GALNS: variants seen among roughly 807,000 people sequenced by gnomAD.
GALNS encodes N-acetylgalactosamine-6-sulfatase.
GALNS carries 65 observed loss-of-function variants against 65.9 expected under a neutral mutation model. That is an observed-to-expected ratio of 0.99 (90% CI 0.81 to 1.21). The LOEUF (loss-of-function observed/expected upper bound fraction) is 1.21. GALNS is among the 50% of genes most tolerant of loss of function. The probability of loss-of-function intolerance (pLI) is 0.00; values close to 1 mark genes in which losing one functional copy is unlikely to be tolerated. For missense variants in GALNS, 776 were observed against 700.7 expected (o/e 1.11, Z -1.21); for synonymous variants, 346 against 288.9 (o/e 1.20, Z -2.00).
chr16:88,838,689 T>A (rs773782457), intron 4 of GALNS: 15 of 152,362 alleles, frequency 9.8e-5, no homozygotes, highest in Non-Finnish European at 1.9e-4. Flanking sequence ...CTGGAACGAA[T>A]CCAGCTTGCG....
At chr16:88,847,765 G>C (rs1375600425) in intron 1 of GALNS, among the ~76,000 whole-genome samples, 1 of 152,246 alleles carries the variant, frequency 6.6e-6, no homozygotes, top group African/African-American at 2.4e-5. Flanking sequence ...CACCATGTAA[G>C]AACGTGACAC....
Position 88,818,428 on chromosome 16 carries a change from C to T in GALNS, c.1365-304G>A, listed in dbSNP as rs76205941. Among the ~76,000 whole-genome samples the T allele has an allele frequency of 0.033, 4,965 of 152,296 alleles. 263 individuals carry two copies. Among genetic ancestry groups the T allele is most frequent in the African/African-American group, 0.11 (4,727 of 41,544 alleles). ...CCTGTCCCTGCCTGTGACCAGGACCCGGGATATGTGGGCTGGGGCCTGTGG... is the reference window on the plus strand; with the variant it reads ...CCTGTCCCTGCCTGTGACCAGGACCTGGGATATGTGGGCTGGGGCCTGTGG... On this transcript the variant is annotated intron_variant, in intron 12 of 13. Coordinates refer to ENST00000268695, the MANE Select transcript of GALNS (RefSeq NM_000512.5).
intron 1 of GALNS, among the ~76,000 whole-genome samples, chr16:88,854,295 G>A (rs1201525086): frequency 2.0e-5 from 3 of 152,216 alleles, no homozygotes; most frequent in Non-Finnish European, 4.4e-5. Context: ...AAGAGGTGTG[G>A]ACAGGGCTGC....
intron 13 of GALNS, chr16:88,817,379 C>T: frequency 1.0e-6 from 1 of 985,412 alleles, no homozygotes; most frequent in African/African-American, 1.7e-5. Context: ...AAGGCCTGGT[C>T]TTGTCAGGCT....
At chr16:88,853,794 GGCAGCCCTGGGGAGT>G (rs1967623623) in intron 1 of GALNS, among the ~76,000 whole-genome samples, 1 of 152,130 alleles carries the variant, frequency 6.6e-6, no homozygotes, top group Non-Finnish European at 1.5e-5. Context: ...GCCAGGGCAG[GGCAGCCCTGGGGAGT>G]GCAGGTAGAC....
chr16:88,841,795 C>A (rs1966984355), intron 3 of GALNS, 102 bp downstream of exon 3: 4 of 1,041,418 alleles, frequency 3.8e-6, no homozygotes, highest in Non-Finnish European at 4.4e-6. Context: ...GGTACCCCAC[C>A]TGCAGCTTGC....
At position 88,841,025 on chromosome 16, in the gene GALNS, T is replaced by G. The variant is rs779175959; in HGVS notation, c.389A>C (p.Lys130Thr). The G allele has an allele frequency of 6.2e-7, 1 of 1,613,252 alleles. No homozygotes were observed. Among genetic ancestry groups the G allele is most frequent in the South Asian group, 1.1e-5 (1 of 91,076 alleles). Reference protein sequence around the residue: ...SEQLLPELLKKAGYVSKIVGK... With the variant: ...SEQLLPELLKTAGYVSKIVGK... Reference sequence around the variant, plus strand: ...GACAATCTTGCTGACGTAGCCGGCCTTCTTCAGAAGCTCCGGCAGGAGCTG... The same window carrying G: ...GACAATCTTGCTGACGTAGCCGGCCGTCTTCAGAAGCTCCGGCAGGAGCTG... The change falls in exon 4 of 14, where the codon AAG becomes ACG. Residue 130 changes from lysine to threonine, a missense_variant. Transcript: ENST00000268695.
At chr16:88,834,819 C>T (rs1911938298) in intron 8 of GALNS, among the ~76,000 whole-genome samples, 1 of 152,162 alleles carries the variant, frequency 6.6e-6, no homozygotes, top group Non-Finnish European at 1.5e-5. Context: ...TGACCAGGTC[C>T]AGGCCACACT....
chr16:88,842,958 CG>C (rs1967051487), intron 1 of GALNS, 129 bp from the exon 2 acceptor site: 1 of 1,528,232 alleles, frequency 6.5e-7, no homozygotes, highest in African/African-American at 1.4e-5. Context: ...TCCCAGCCAG[CG>C]GCAGAGCTCG....
chr16:88,840,634 C>T (rs986856868), intron 4 of GALNS: 10 of 378,304 alleles, frequency 2.6e-5, no homozygotes, highest in African/African-American at 1.5e-4. Context: ...TCCTCCGCCA[C>T]AGCTCCTGTG....
intron 2 of GALNS, chr16:88,842,414 A>C (rs1967019607): frequency 1.9e-6 from 1 of 540,056 alleles, no homozygotes; most frequent in East Asian, 3.2e-5. Context: ...ACGGAGCCAC[A>C]CTGCAGCACC....
At chr16:88,817,189 AG>A (rs1909720222) in intron 13 of GALNS, 4 of 985,436 alleles carry the variant, frequency 4.1e-6, no homozygotes, top group Non-Finnish European at 4.8e-6. Flanking sequence ...ACCCCCAAGC[AG>A]GGGACAGAAA....
Position 88,841,905 on chromosome 16 carries a change from G to A in GALNS, c.311C>T (p.Ala104Val). ...GGCGGTGGGCAGCCTACCGTTTCTG[G>A]CATGGGCGTTGGTGGTGTAGAAGCC... ...RNGFYTTNAH[A>V]RNAYTPQEIV... The change falls in exon 3 of 14, where the codon GCC becomes GTC. Residue 104 changes from alanine (A) to valine (V), a missense_variant. Coordinates refer to ENST00000268695, the MANE Select transcript of GALNS (RefSeq NM_000512.5). 3 of 1,613,008 alleles carry A rather than the reference G, an allele frequency of 1.9e-6. No homozygotes were observed. Among genetic ancestry groups the A allele is most frequent in the South Asian group, 1.1e-5 (1 of 90,836 alleles).
chr16:88,841,665 C>T (rs945261933), intron 3 of GALNS, among the ~76,000 whole-genome samples: 3 of 152,202 alleles, frequency 2.0e-5, no homozygotes, highest in African/African-American at 7.2e-5. Flanking sequence ...GGGGTGCCGG[C>T]TCAGCTCCTT....
intron 1 of GALNS, chr16:88,855,551 A>C: frequency 1.4e-6 from 1 of 700,404 alleles, no homozygotes; most frequent in Non-Finnish European, 2.6e-6. Flanking sequence ...TATGAGATGG[A>C]AAAGCAGCTG....
chr16:88,841,593 C>T (rs1314902862), intron 3 of GALNS, among the ~76,000 whole-genome samples: 1 of 152,250 alleles, frequency 6.6e-6, no homozygotes, highest in African/African-American at 2.4e-5. Flanking sequence ...GCTGATGCCA[C>T]AGCCCCGGCC....
intron 9 of GALNS, among the ~76,000 whole-genome samples, 199 bp downstream of exon 9, chr16:88,831,799 C>G (rs1286853280): frequency 8.2e-6 from 1 of 122,656 alleles, no homozygotes; most frequent in Non-Finnish European, 1.7e-5. Context: ...GCGGTGAGGC[C>G]GAGCACGGGG....
chr16:88,850,341 C>A (rs11860725), intron 1 of GALNS, among the ~76,000 whole-genome samples: 1 of 152,184 alleles, frequency 6.6e-6, no homozygotes, highest in African/African-American at 2.4e-5. Flanking sequence ...CTGGCCTCCC[C>A]AGAAGGTCGG....
intron 1 of GALNS, among the ~76,000 whole-genome samples, chr16:88,854,216 G>C (rs1165645366): frequency 1.3e-5 from 2 of 152,258 alleles, no homozygotes; most frequent in Admixed American, 6.5e-5. Context: ...TGTCATGCCA[G>C]AGGCCGAATG....
Sources: gnomAD v4.1 joint callset for allele counts (sites outside exome capture counted in the v4.1 genomes callset) on GRCh38, gnomAD v4.1.1 for gene constraint, MANE v1.5 for transcripts, NCBI Gene and HGNC (gene_info 2026-07-23, HGNC 2026-07-21) for gene names.